The following CASZ1 variants were observed in gnomAD, a reference collection of about 807,000 sequenced individuals.
CASZ1 encodes the protein zinc finger protein castor homolog 1.
Under a neutral mutation model 135.2 loss-of-function variants are expected in CASZ1, and 28 were observed. The observed-to-expected ratio is 0.21, with a 90% CI of 0.15 to 0.28. The LOEUF is 0.28. Ranked by LOEUF, CASZ1 falls within the 10% of genes least tolerant of loss-of-function variation. The pLI, the probability that CASZ1 is intolerant of heterozygous loss-of-function variation, is 1.00. For missense variants in CASZ1, 2,161 were observed against 2,453.3 expected, an observed-to-expected ratio of 0.88 and a Z score of 2.52; for synonymous variants, 1,068 against 1,073.4, an observed-to-expected ratio of 0.99 and a Z score of 0.10.
chr1:10,716,826 C>T (rs983687636), intron 2 of CASZ1, among the ~76,000 whole-genome samples: 2 of 152,250 alleles, frequency 1.3e-5, no homozygotes, highest in African/African-American at 2.4e-5. Flanking sequence ...AGTCCATCCC[C>T]CAAAGGCTTT....
intron 20 of CASZ1, 31 bp downstream of exon 20, chr1:10,642,828 G>C (rs1290707033): frequency 1.9e-6 from 3 of 1,607,122 alleles, no homozygotes; most frequent in Admixed American, 3.3e-5. Flanking sequence ...GTGGGGCCTG[G>C]CCCTGCCAGC....
In CASZ1 at chr1:10,649,390, C is replaced by T. The variant is rs186784514; in HGVS notation, c.2928G>A (p.Ala976=). The change falls in exon 14 of 21, where the codon GCG becomes GCA. Residue 976 remains alanine (A), a synonymous_variant. Transcript: ENST00000377022. ...PGLGSLLNIK[A]EAEGSPAAEP... ...CCGCAGCGGGGCTCCCCTCCGCTTC[C>T]GCCTTGATGTTCAGCAGGCTGCCCA... The T allele has an allele frequency of 3.2e-5, 52 of 1,610,330 alleles. No homozygotes were observed. Among genetic ancestry groups the T allele is most frequent in the South Asian group, 6.6e-5 (6 of 90,414 alleles).
rs1640658044 is a variant in CASZ1 at position 10,776,114 on chromosome 1, T to C, written c.-233-15257A>G. On this transcript the variant is annotated intron_variant, in intron 1 of 20. Transcript: ENST00000377022. This position sits in a 1 kb window ranked among gnomAD's most constrained non-coding sequence, Gnocchi z 4.1. ...GTCCAATTTCTTCAAATTTGCATTGTAAAACCATCCTTCAACTTCCTTGAA... is the reference window on the plus strand; with the variant it reads ...GTCCAATTTCTTCAAATTTGCATTGCAAAACCATCCTTCAACTTCCTTGAA... Among the ~76,000 whole-genome samples the C allele has an allele frequency of 6.6e-6, 1 of 152,266 alleles. No individual in the cohort carries two copies. Among genetic ancestry groups the C allele is most frequent in the Non-Finnish European group, 1.5e-5 (1 of 68,044 alleles).
rs892207391 is a variant in CASZ1, at chr1:10,709,428, G to A, written c.-76-3884C>T. 2.5e-4 allele frequency among the ~76,000 whole-genome samples: 38 copies of A among 152,158 alleles called. No homozygotes were observed. Among genetic ancestry groups the A allele is most frequent in the African/African-American group, 2.9e-4 (12 of 41,440 alleles). ...ACAACAGGGGCAGCGTCATGGAAAC[G>A]GGCACTTTCCCGGAGAAATATTCTG... On this transcript the variant is annotated intron_variant, in intron 2 of 20. Coordinates refer to ENST00000377022, the MANE Select transcript of CASZ1 (RefSeq NM_001079843.3). This position sits in a 1 kb window ranked among gnomAD's most constrained non-coding sequence, Gnocchi z 5.1.
At position 10,657,762 on chromosome 1, in the gene CASZ1, G is replaced by A. The variant is rs563102021; in HGVS notation, c.1409+746C>T. ...ATCTGCGGACAGACAGGCGCCAGCCGCTGGGTGCTGCCCCATCAGAGGGCA... is the reference window on the plus strand; with the variant it reads ...ATCTGCGGACAGACAGGCGCCAGCCACTGGGTGCTGCCCCATCAGAGGGCA... On this transcript the variant is annotated intron_variant, in intron 7 of 20. Transcript: ENST00000377022. This position sits in a 1 kb window ranked among gnomAD's most constrained non-coding sequence, Gnocchi z 5.7. Among the ~76,000 whole-genome samples the A allele has an allele frequency of 2.7e-5, 4 of 148,174 alleles. No homozygotes were observed. The South Asian group carries it at 6.5e-4, about 24-fold the overall frequency.
At position 10,739,566 on chromosome 1, in the gene CASZ1, C is replaced by T. The variant is rs1461940130; in HGVS notation, c.-77+21135G>A. Among the ~76,000 whole-genome samples, 1 of 152,344 alleles carries T rather than the reference C, an allele frequency of 6.6e-6. No homozygotes were observed. Among genetic ancestry groups the T allele is most frequent in the East Asian group, 1.9e-4 (1 of 5,170 alleles). On this transcript the variant is annotated intron_variant, in intron 2 of 20. Transcript: ENST00000377022. The surrounding 1 kb of genome is among the most constrained non-coding windows in gnomAD (Gnocchi z 4.8). The stretch of plus-strand genomic sequence containing the variant: ...CCGGGCCCACTCCCCGTTCTCCCAG[C>T]CTTGCTGGCTACTTCCACTCCCCAA...
At position 10,707,102 on chromosome 1, in the gene CASZ1, A is replaced by G. The variant is rs1276926870; in HGVS notation, c.-76-1558T>C. On this transcript the variant is annotated intron_variant, in intron 2 of 20. Transcript: ENST00000377022. This position sits in a 1 kb window ranked among gnomAD's most constrained non-coding sequence, Gnocchi z 5.0. ...AGCCCAGGGCCCTGGCTGGGGTGTC[A>G]TCTTCACTGTCCCGTCCGTCCCACA... 1.3e-5 allele frequency among the ~76,000 whole-genome samples: 2 copies of G among 151,812 alleles called. No individual in the cohort carries two copies. The highest frequency in any genetic ancestry group is 4.8e-5 in the African/African-American group (2 of 41,292).
At position 10,677,086 on chromosome 1, in the gene CASZ1, C is replaced by T. The variant is rs544350720; in HGVS notation, c.17-11515G>A. 2.2e-4 allele frequency among the ~76,000 whole-genome samples: 34 copies of T among 152,338 alleles called. No individual in the cohort carries two copies. In the South Asian group the frequency reaches 6.8e-3, roughly 31 times the overall value. On this transcript the variant is annotated intron_variant, in intron 4 of 20. Coordinates refer to ENST00000377022, the MANE Select transcript of CASZ1 (RefSeq NM_001079843.3). ...CAGAGCCCCCTGGGGCTCCATCGCC[C>T]CCCGCCTCCAAGATGAGTGAGTCAC...
At chr1:10,761,597 G>A (rs1024878533) in intron 1 of CASZ1, among the ~76,000 whole-genome samples, 6 of 152,070 alleles carry the variant, frequency 3.9e-5, no homozygotes, top group African/African-American at 1.4e-4. Flanking sequence ...CAACCTTTGT[G>A]TCAATTTAAA....
In CASZ1 at chr1:10,774,020, A is replaced by C. The variant is rs1355522120; in HGVS notation, c.-233-13163T>G. On this transcript the variant is annotated intron_variant, in intron 1 of 20. Transcript: ENST00000377022. The surrounding 1 kb of genome is among the most constrained non-coding windows in gnomAD (Gnocchi z 4.4). ...GTGGTGGTCCGGAGCAAACCTCCTT[A>C]ACTCTGATCCCAGCACAGAGGTGGG... 3.3e-5 allele frequency among the ~76,000 whole-genome samples: 5 copies of C among 152,102 alleles called. No homozygotes were observed. The highest frequency in any genetic ancestry group is 9.7e-5 in the African/African-American group (4 of 41,426).
rs201085072 is a variant in CASZ1 at position 10,711,585 on chromosome 1, C to CAA, written c.-76-6043_-76-6042dup. Reference sequence around the variant, plus strand: ...CCAGAAAAAATGGAAAACAGGTACTCAAAAAAAAAAAAAAAAGAAAAACAA... The same window carrying CAA: ...CCAGAAAAAATGGAAAACAGGTACTCAAAAAAAAAAAAAAAAAAGAAAAACAA... On this transcript the variant is annotated intron_variant, in intron 2 of 20. Transcript: ENST00000377022. This position sits in a 1 kb window ranked among gnomAD's most constrained non-coding sequence, Gnocchi z 4.4. Among the ~76,000 whole-genome samples the CAA allele has an allele frequency of 8.1e-4, 79 of 97,564 alleles. No homozygotes were observed. The highest frequency in any genetic ancestry group is 6.8e-3 in the Middle Eastern group (1 of 148). The allele number at this position is 97,564 out of a possible 152,430, so 64.0% of individuals were successfully genotyped here.
intron 2 of CASZ1, among the ~76,000 whole-genome samples, chr1:10,744,183 T>C (rs1421070591): frequency 1.3e-5 from 2 of 151,992 alleles, no homozygotes; most frequent in Non-Finnish European, 2.9e-5. Context: ...TGCTGTGGCT[T>C]TTAGGACACA....
rs908411639 is a variant in CASZ1 at position 10,721,860 on chromosome 1, C to A, written c.-76-16316G>T. Among the ~76,000 whole-genome samples, 10 of 152,228 alleles carry A rather than the reference C, an allele frequency of 6.6e-5. No homozygotes were observed. The highest frequency in any genetic ancestry group is 2.0e-4 in the Admixed American group (3 of 15,288). ...CTGCCTGCTAGGAAGCAGAGGCGGG[C>A]CCATGCCGAGGGGAAGAAGAGGGGC... On this transcript the variant is annotated intron_variant, in intron 2 of 20. Coordinates refer to ENST00000377022, the MANE Select transcript of CASZ1 (RefSeq NM_001079843.3). This position sits in a 1 kb window ranked among gnomAD's most constrained non-coding sequence, Gnocchi z 5.4.
rs888706556 is a variant in CASZ1 at position 10,788,188 on chromosome 1, C to T, written c.-234+8376G>A. 8.5e-5 allele frequency among the ~76,000 whole-genome samples: 13 copies of T among 152,264 alleles called. No homozygotes were observed. Among genetic ancestry groups the T allele is most frequent in the Middle Eastern group, 3.4e-3 (1 of 294 alleles). Reference sequence around the variant, plus strand: ...TATCCATTACTGTGGATAGGGGAACCGGGAGAGCTGCCTTTGGCTTGGTGA... The same window carrying T: ...TATCCATTACTGTGGATAGGGGAACTGGGAGAGCTGCCTTTGGCTTGGTGA... On this transcript the variant is annotated intron_variant, in intron 1 of 20. Coordinates refer to ENST00000377022, the MANE Select transcript of CASZ1 (RefSeq NM_001079843.3). This position sits in a 1 kb window ranked among gnomAD's most constrained non-coding sequence, Gnocchi z 4.1.
At position 10,665,588 on chromosome 1, in the gene CASZ1, G is replaced by C. The variant is rs765764151; in HGVS notation, c.17-17C>G. 1 of 1,536,820 alleles carries C rather than the reference G, an allele frequency of 6.5e-7. No homozygotes were observed. Among genetic ancestry groups the C allele is most frequent in the Non-Finnish European group, 8.7e-7 (1 of 1,146,830 alleles). ...TGCCCTCAGCTGCAGGGATGGAGGA[G>C]AGCACGGAGGTCAGAGGCGTGCAAG... On this transcript the variant is annotated splice_polypyrimidine_tract_variant and intron_variant, in intron 4 of 20. Coordinates refer to ENST00000377022, the MANE Select transcript of CASZ1 (RefSeq NM_001079843.3).
intron 2 of CASZ1, among the ~76,000 whole-genome samples, chr1:10,730,721 C>T (rs975987767): frequency 6.6e-6 from 1 of 152,198 alleles, no homozygotes; most frequent in Non-Finnish European, 1.5e-5. Context: ...TTTTGGAAAA[C>T]TTATATCTGC....
Position 10,759,558 on chromosome 1 carries a change from G to A in CASZ1, c.-77+1143C>T, listed in dbSNP as rs1640324145. 6.6e-6 allele frequency among the ~76,000 whole-genome samples: 1 copy of A among 152,162 alleles called. No homozygotes were observed. The highest frequency in any genetic ancestry group is 2.1e-4 in the South Asian group (1 of 4,824). ...TTTGCAAATCTCTGGGCTGTATCCAGAGCTAGTTCCCTGAGGAGGCATGGC... is the reference window on the plus strand; with the variant it reads ...TTTGCAAATCTCTGGGCTGTATCCAAAGCTAGTTCCCTGAGGAGGCATGGC... On this transcript the variant is annotated intron_variant, in intron 2 of 20. Coordinates refer to ENST00000377022, the MANE Select transcript of CASZ1 (RefSeq NM_001079843.3). The surrounding 1 kb of genome is among the most constrained non-coding windows in gnomAD (Gnocchi z 4.2).
At chr1:10,656,831 G>A in intron 7 of CASZ1, 95 bp from the exon 8 acceptor site, 1 of 779,180 alleles carries the variant, frequency 1.3e-6, no homozygotes, top group Non-Finnish European at 2.2e-6. Context: ...TTCGGGCCCT[G>A]TATGGGATGC....
Position 10,755,155 on chromosome 1 carries a change from C to G in CASZ1, c.-77+5546G>C, listed in dbSNP as rs1442756492. On this transcript the variant is annotated intron_variant, in intron 2 of 20. Transcript: ENST00000377022. This position sits in a 1 kb window ranked among gnomAD's most constrained non-coding sequence, Gnocchi z 4.3. Reference sequence around the variant, plus strand: ...GGAACGTGGCAGCATCCAGGGGTCCCGCGGAAGGTGGGCAGCAAGGGGATC... The same window carrying G: ...GGAACGTGGCAGCATCCAGGGGTCCGGCGGAAGGTGGGCAGCAAGGGGATC... Among the ~76,000 whole-genome samples the G allele has an allele frequency of 2.0e-5, 3 of 152,152 alleles. No individual in the cohort carries two copies. Among genetic ancestry groups the G allele is most frequent in the Non-Finnish European group, 4.4e-5 (3 of 68,022 alleles).
Sources: allele counts gnomAD v4.1 joint callset (sites outside exome capture counted in the v4.1 genomes callset), GRCh38; gene constraint gnomAD v4.1.1; non-coding constraint Gnocchi (gnomAD v3.1); transcripts MANE v1.5; gene names NCBI Gene and HGNC (gene_info 2026-07-23, HGNC 2026-07-21).